The following DIPK1A variants were observed in gnomAD, a reference collection of about 807,000 sequenced individuals.
The protein encoded by DIPK1A is family with sequence similarity 69 member A.
DIPK1A carries 27 observed loss-of-function variants against 40.8 expected under a neutral mutation model. That is an observed-to-expected ratio of 0.66 (90% CI 0.49 to 0.91). The LOEUF is 0.91. DIPK1A is among the 40% of genes least tolerant of loss of function. The pLI, the probability that DIPK1A is intolerant of heterozygous loss-of-function variation, is 0.00. For synonymous variants in DIPK1A, 166 were observed against 171.3 expected, an observed-to-expected ratio of 0.97 and a Z score of 0.24; for missense variants, 412 against 505.7, an observed-to-expected ratio of 0.81 and a Z score of 1.78.
intron 1 of DIPK1A, among the ~76,000 whole-genome samples, chr1:92,895,801 CAA>C (rs1327152825): frequency 6.6e-6 from 1 of 152,086 alleles, no homozygotes; most frequent in Non-Finnish European, 1.5e-5. Flanking sequence ...GCAACTTCAG[CAA>C]AGTCTCAGGA....
chr1:92,929,600 T>C (rs1650664575), intron 1 of DIPK1A, among the ~76,000 whole-genome samples: 1 of 46,808 alleles, frequency 2.1e-5, no homozygotes, highest in South Asian at 1.0e-3. Flanking sequence ...AGTTCCTTCC[T>C]TTCAGATTGA....
downstream of DIPK1A, chr1:92,837,589 A>G (rs762357870): frequency 1.2e-6 from 2 of 1,612,176 alleles, no homozygotes; most frequent in South Asian, 2.2e-5. Flanking sequence ...TGCTTACAAG[A>G]AACAGTTCTC....
chr1:92,907,429 A>AT (rs918006512), intron 1 of DIPK1A, among the ~76,000 whole-genome samples: 5 of 151,490 alleles, frequency 3.3e-5, no homozygotes, highest in African/African-American at 1.2e-4. Context: ...CTGTGCTTTA[A>AT]TTTTTTTTTA....
chr1:92,921,558 G>A (rs1005004841), intron 1 of DIPK1A, among the ~76,000 whole-genome samples: 3 of 152,204 alleles, frequency 2.0e-5, no homozygotes, highest in Admixed American at 1.3e-4. Flanking sequence ...ACAGGAGGAC[G>A]GTGGGACCTG....
chr1:92,929,875 A>G (rs1326476921), intron 1 of DIPK1A, among the ~76,000 whole-genome samples: 1 of 152,230 alleles, frequency 6.6e-6, no homozygotes, highest in Non-Finnish European at 1.5e-5. Context: ...AGTTGTCACA[A>G]GATGGAACCA....
intron 1 of DIPK1A, among the ~76,000 whole-genome samples, chr1:92,901,855 AG>A (rs1188466635): frequency 3.3e-5 from 5 of 152,142 alleles, no homozygotes. Context: ...GTCCAGTTCC[AG>A]GGAAGCAGGG....
At chr1:92,917,894 G>A (rs1158143937) in intron 1 of DIPK1A, among the ~76,000 whole-genome samples, 1 of 152,130 alleles carries the variant, frequency 6.6e-6, no homozygotes, top group Non-Finnish European at 1.5e-5. Flanking sequence ...ACTGAGAGTA[G>A]TTTGGCAGAA....
At chr1:92,926,297 T>C (rs982881999) in intron 1 of DIPK1A, among the ~76,000 whole-genome samples, 2 of 152,236 alleles carry the variant, frequency 1.3e-5, no homozygotes, top group Non-Finnish European at 2.9e-5. Flanking sequence ...CACTATCTAA[T>C]TTCCAAATCT....
chr1:92,888,869 A>G (rs1449754344), intron 1 of DIPK1A, among the ~76,000 whole-genome samples: 1 of 151,994 alleles, frequency 6.6e-6, no homozygotes, highest in African/African-American at 2.4e-5. Context: ...ATTATGTGTT[A>G]TTGTTGTTGG....
chr1:92,843,379 T>A lies in DIPK1A; in HGVS notation c.*4A>T. On this transcript the variant is annotated 3_prime_UTR_variant, in exon 5 of 5. Coordinates refer to ENST00000370310, the MANE Select transcript of DIPK1A (RefSeq NM_001006605.5). The stretch of plus-strand genomic sequence containing the variant: ...TCTTAAAATGGTAATTATGTCCAAA[T>A]GAACTAAGAGTCATTAGTGTAGGAA... 6.7e-7 allele frequency: 1 copy of A among 1,495,768 alleles called. No homozygotes were observed. 92.7% of individuals were successfully genotyped at this position (1,495,768 alleles called of 1,614,324 possible). A position where few individuals can be genotyped will look rare whatever the true frequency, so the allele number is the denominator to read the frequency against.
At chr1:92,833,094 A>G in intron 4 of DIPK1A, 6 of 705,824 alleles carry the variant, frequency 8.5e-6, no homozygotes, top group South Asian at 7.4e-5. Flanking sequence ...CAATATAACA[A>G]TAATTTTATA....
downstream of DIPK1A, among the ~76,000 whole-genome samples, chr1:92,841,444 C>T (rs932932675): frequency 1.3e-5 from 2 of 152,140 alleles, no homozygotes; most frequent in African/African-American, 2.4e-5. Context: ...TATAGTGCTG[C>T]AATGAACATG....
At chr1:92,936,507 T>C (rs1650950849) in intron 1 of DIPK1A, among the ~76,000 whole-genome samples, 1 of 151,694 alleles carries the variant, frequency 6.6e-6, no homozygotes, top group Non-Finnish European at 1.5e-5. Context: ...TGCATGCCTA[T>C]AATCCCAGGT....
chr1:92,867,117 A>G (rs919116578), intron 2 of DIPK1A, among the ~76,000 whole-genome samples: 2 of 152,152 alleles, frequency 1.3e-5, no homozygotes, highest in Non-Finnish European at 2.9e-5. Flanking sequence ...TGAAAGTATT[A>G]TTAATCTCCA....
chr1:92,845,327 G>C (rs923954643), intron 4 of DIPK1A, among the ~76,000 whole-genome samples: 59 of 127,692 alleles, frequency 4.6e-4, no homozygotes, highest in African/African-American at 1.8e-3. Flanking sequence ...AGGAAGAACT[G>C]CTATGCTTTT....
At position 92,892,418 on chromosome 1, in the gene DIPK1A, C is replaced by T. The variant is rs552135648; in HGVS notation, c.55-15988G>A. 2.6e-5 allele frequency among the ~76,000 whole-genome samples: 4 copies of T among 152,088 alleles called. No individual in the cohort carries two copies. The South Asian group carries it at 8.3e-4, about 31-fold the overall frequency. On this transcript the variant is annotated intron_variant, in intron 1 of 4. Coordinates refer to ENST00000370310, the MANE Select transcript of DIPK1A (RefSeq NM_001006605.5). ...TCTGGAGTGGACCTCCAGCAAACTC[C>T]AACAGAACTGCAGCTGAGGGTCCTA...
chr1:92,840,836 C>A (rs1175054664), downstream of DIPK1A: 1 of 703,960 alleles, frequency 1.4e-6, no homozygotes, highest in African/African-American at 1.7e-5. Context: ...GTGGTTCTTT[C>A]TATCCTAGTA....
chr1:92,879,007 A>AAAAAAT (rs919045666), intron 1 of DIPK1A, among the ~76,000 whole-genome samples: 8 of 151,964 alleles, frequency 5.3e-5, no homozygotes, highest in Admixed American at 4.6e-4. Context: ...ACTCCATCTC[A>AAAAAAT]AAAAATAAAA....
chr1:92,849,509 A>C (rs1027154933), intron 3 of DIPK1A, among the ~76,000 whole-genome samples: 1 of 150,960 alleles, frequency 6.6e-6, no homozygotes, highest in Non-Finnish European at 1.5e-5. Context: ...CACCACACCC[A>C]GCTAATACAT....
Sources: allele counts gnomAD v4.1 joint callset (sites outside exome capture counted in the v4.1 genomes callset), GRCh38; gene constraint gnomAD v4.1.1; transcripts MANE v1.5; gene names NCBI Gene and HGNC (gene_info 2026-07-23, HGNC 2026-07-21).